Variants in ZC3H12B observed in about 807,000 individuals in gnomAD.
ZC3H12B encodes the protein zinc finger CCCH-type containing 12B.
A neutral mutation model predicts 43.9 loss-of-function variants in ZC3H12B; 7 were observed. The ratio of observed to expected loss-of-function variants is 0.16; its 90% CI spans 0.09 to 0.30. The LOEUF (loss-of-function observed/expected upper bound fraction) is 0.30. Ranked by LOEUF, ZC3H12B falls within the 10% of genes least tolerant of loss-of-function variation. ZC3H12B has a pLI of 1.00. For missense variants in ZC3H12B, 475 were observed against 670.2 expected, an observed-to-expected ratio of 0.71 and a Z score of 3.22; for synonymous variants, 222 against 241.7, an observed-to-expected ratio of 0.92 and a Z score of 0.76.
chrX:65,361,273 T>A, the ZC3H12B span, among the ~76,000 whole-genome samples: 1 of 112,078 alleles, frequency 8.9e-6, no homozygotes, highest in African/African-American at 3.2e-5. Flanking sequence ...AAGGCTAGTA[T>A]AAGGGGTGAC....
chrX:65,323,245 T>A, the ZC3H12B span, among the ~76,000 whole-genome samples: 1 of 112,166 alleles, frequency 8.9e-6, no homozygotes, highest in African/African-American at 3.2e-5. Context: ...AAAAGGGTTT[T>A]AATTTCTCAA....
chrX:65,288,281 G>A, the ZC3H12B span, among the ~76,000 whole-genome samples: 20 of 110,832 alleles, frequency 1.8e-4, no homozygotes, highest in Non-Finnish European at 3.6e-4. Context: ...GTGAAGAGAA[G>A]GGAATTCTCC....
At chrX:65,255,732 C>T in the ZC3H12B span, among the ~76,000 whole-genome samples, 2 of 112,187 alleles carry the variant, frequency 1.8e-5, no homozygotes, top group South Asian at 3.7e-4. Context: ...AATTAAAAGG[C>T]ACAAAGTGGA....
the ZC3H12B span, among the ~76,000 whole-genome samples, chrX:65,190,869 C>T: frequency 9.4e-6 from 1 of 106,143 alleles, no homozygotes; most frequent in Non-Finnish European, 1.9e-5. Flanking sequence ...GCACCCCTGT[C>T]TTGTGCCAGT....
At chrX:65,372,501 AAAGGAAGGAAGGAAGGAAGGAAGGAAGG>A (rs542094495) in intron 2 of ZC3H12B, among the ~76,000 whole-genome samples, 1 of 83,428 alleles carries the variant, frequency 1.2e-5, no homozygotes, top group Non-Finnish European at 2.3e-5. Flanking sequence ...GGAAGGAAGG[AAAGGAAGGAAGGAAGGAAGGAAGGAAGG>A]AAGGAAGGAA....
the ZC3H12B span, among the ~76,000 whole-genome samples, chrX:65,078,944 TG>T: frequency 9.2e-6 from 1 of 109,086 alleles, no homozygotes; most frequent in East Asian, 2.8e-4. Context: ...CACCATTTTT[TG>T]CTATCAAATA....
chrX:65,089,008 C>T, the ZC3H12B span, among the ~76,000 whole-genome samples: 4 of 111,585 alleles, frequency 3.6e-5, no homozygotes, highest in East Asian at 2.8e-4. Context: ...AGAACAGTTC[C>T]TGGCATATTT....
the ZC3H12B span, among the ~76,000 whole-genome samples, chrX:65,132,797 C>T: frequency 2.7e-5 from 3 of 110,766 alleles, no homozygotes; most frequent in Non-Finnish European, 3.8e-5. Context: ...GGATAGCCTC[C>T]GTAGTGATTA....
chrX:65,274,658 G>A, the ZC3H12B span, among the ~76,000 whole-genome samples: 10 of 109,195 alleles, frequency 9.2e-5, no homozygotes, highest in East Asian at 2.9e-4. Flanking sequence ...TGATATGCCC[G>A]TGGACCAGTG....
chrX:65,212,269 A>AT, the ZC3H12B span, among the ~76,000 whole-genome samples: 1 of 50,824 alleles, frequency 2.0e-5, no homozygotes, highest in African/African-American at 8.4e-5. Context: ...TATATTATAT[A>AT]ATATATAATA....
At chrX:65,175,583 G>A in the ZC3H12B span, among the ~76,000 whole-genome samples, 1 of 111,955 alleles carries the variant, frequency 8.9e-6, no homozygotes, top group African/African-American at 3.2e-5. Flanking sequence ...CAAACTGGTA[G>A]CTGGCAAGAT....
chrX:65,211,344 TA>T, the ZC3H12B span, among the ~76,000 whole-genome samples: 3 of 109,107 alleles, frequency 2.7e-5, no homozygotes, highest in Non-Finnish European at 3.8e-5. Context: ...TCTGTGGGAA[TA>T]AAAATTAACA....
chrX:65,188,384 G>A, the ZC3H12B span, among the ~76,000 whole-genome samples: 1 of 93,136 alleles, frequency 1.1e-5, no homozygotes, highest in Non-Finnish European at 2.1e-5. Flanking sequence ...TTTTTGAGAA[G>A]CCTTCAAACT....
chrX:65,464,108 G>T (rs1196944883), intron 3 of ZC3H12B, among the ~76,000 whole-genome samples: 1 of 112,261 alleles, frequency 8.9e-6, no homozygotes, highest in Non-Finnish European at 1.9e-5. Flanking sequence ...CTCTCTCAAA[G>T]GAGAAAATGT....
At chrX:65,245,031 C>A in the ZC3H12B span, among the ~76,000 whole-genome samples, 1 of 111,108 alleles carries the variant, frequency 9.0e-6, no homozygotes, top group Non-Finnish European at 1.9e-5. Context: ...AGATTCAGAT[C>A]ATCACAATCG....
At chrX:65,212,040 G>T in the ZC3H12B span, among the ~76,000 whole-genome samples, 1 of 59,754 alleles carries the variant, frequency 1.7e-5, no homozygotes, top group Non-Finnish European at 2.7e-5. Flanking sequence ...TATGTATAAT[G>T]TATAATATAT....
the ZC3H12B span, among the ~76,000 whole-genome samples, chrX:65,327,132 C>A: frequency 2.2e-4 from 24 of 111,118 alleles, no homozygotes; most frequent in Non-Finnish European, 4.2e-4. Flanking sequence ...GGAATTTACC[C>A]AAAAGATTTA....
At chrX:65,447,060 C>G (rs2067387080) in intron 3 of ZC3H12B, among the ~76,000 whole-genome samples, 1 of 111,513 alleles carries the variant, frequency 9.0e-6, no homozygotes, top group South Asian at 3.7e-4. Context: ...TCTTCAGAAC[C>G]AATTCTTCAG....
the ZC3H12B span, among the ~76,000 whole-genome samples, chrX:65,081,667 C>T: frequency 2.7e-5 from 3 of 111,242 alleles, no homozygotes; most frequent in Admixed American, 2.9e-4. Context: ...AGAGATAGAC[C>T]TCAATACAAT....
Sources: gnomAD v4.1 joint callset for allele counts (sites outside exome capture counted in the v4.1 genomes callset) on GRCh38, gnomAD v4.1.1 for gene constraint, MANE v1.5 for transcripts, NCBI Gene and HGNC (gene_info 2026-07-23, HGNC 2026-07-21) for gene names.